Variants in SREBF1 observed in about 807,000 individuals in gnomAD.
SREBF1 encodes sterol regulatory element binding transcription factor 1.
A neutral mutation model predicts 100.1 loss-of-function variants in SREBF1; 45 were observed. The observed-to-expected ratio is 0.45, with a 90% CI of 0.35 to 0.58. The LOEUF (loss-of-function observed/expected upper bound fraction) is 0.58. SREBF1 is among the 20% of genes least tolerant of loss of function. SREBF1 has a pLI of 0.00. For missense variants in SREBF1, 1,324 were observed against 1,539.4 expected (o/e 0.86, Z 2.34); for synonymous variants, 657 against 681.8 (o/e 0.96, Z 0.57).
chr17:17,832,941 A>G (rs2034961261), intron 1 of SREBF1, among the ~76,000 whole-genome samples: 1 of 151,530 alleles, frequency 6.6e-6, no homozygotes, highest in African/African-American at 2.4e-5. Flanking sequence ...AAACAAAAAA[A>G]AAAAAACAAA....
At position 17,819,121 on chromosome 17, in the gene SREBF1, G is replaced by A; in HGVS notation, c.960C>T (p.Ser320=). 2 of 1,614,122 alleles carry A rather than the reference G, an allele frequency of 1.2e-6. No individual in the cohort carries two copies. The highest frequency in any genetic ancestry group is 1.7e-6 in the Non-Finnish European group (2 of 1,180,058). Residue 320 remains serine (S), a synonymous_variant, in exon 5 of 19, where the codon AGC becomes AGT. Coordinates refer to ENST00000261646, the MANE Select transcript of SREBF1 (RefSeq NM_004176.5). ...TGTGGGCTGTGCGCTTCTCTCCACG[G>A]CTCTGGGCAGAGGCCGGGGCCTTGC... ...AGSKAPASAQ[S]RGEKRTAHNA... is the part of the protein sequence containing the mutation.
At chr17:17,822,477 TAC>T (rs576503729) in intron 1 of SREBF1, among the ~76,000 whole-genome samples, 51 of 152,308 alleles carry the variant, frequency 3.3e-4, no homozygotes, top group South Asian at 1.5e-3. Flanking sequence ...TTCCTCCTCA[TAC>T]AGACTGGGAC....
At chr17:17,822,721 T>C (rs955379083) in intron 1 of SREBF1, among the ~76,000 whole-genome samples, 2 of 152,252 alleles carry the variant, frequency 1.3e-5, no homozygotes, top group African/African-American at 4.8e-5. Context: ...CTCCTCTCAC[T>C]GGCCCCAGTT....
chr17:17,830,957 C>A (rs1223847711), intron 1 of SREBF1, among the ~76,000 whole-genome samples: 1 of 152,256 alleles, frequency 6.6e-6, no homozygotes, highest in Non-Finnish European at 1.5e-5. Flanking sequence ...CTGGGCTCCA[C>A]CTGTCAGCAG....
intron 13 of SREBF1, 82 bp from the exon 14 acceptor site, chr17:17,815,026 C>T: frequency 7.4e-7 from 1 of 1,357,116 alleles, no homozygotes; most frequent in Non-Finnish European, 1.0e-6. Context: ...CAGAGTACAG[C>T]CTGGCCCCTG....
intron 1 of SREBF1, among the ~76,000 whole-genome samples, chr17:17,832,491 C>T (rs1335157914): frequency 6.6e-6 from 1 of 152,180 alleles, no homozygotes; most frequent in Non-Finnish European, 1.5e-5. Context: ...CATTTCCACC[C>T]CCAAATCTTC....
In SREBF1 at chr17:17,814,738, G is replaced by C. The variant is rs373272335; in HGVS notation, c.2612C>G (p.Pro871Arg). The C allele has an allele frequency of 2.9e-5, 46 of 1,610,636 alleles. No individual in the cohort carries two copies. The highest frequency in any genetic ancestry group is 3.3e-4 in the Middle Eastern group (2 of 6,080). The change falls in exon 15 of 19, where the codon CCG (proline) becomes CGG (arginine). Residue 871 changes from proline to arginine, a missense_variant. Physicochemically the swap from Pro to Arg is moderately radical, Grantham distance 103. Coordinates refer to ENST00000261646, the MANE Select transcript of SREBF1 (RefSeq NM_004176.5). The stretch of plus-strand genomic sequence containing the variant: ...CAGAGAGGCCCACCACTTGGCCACC[G>C]GGTCTACGCCTGCAGAAGAGGGAGG... ...SSMATTTGVD[P>R]VAKWWASLTA...
At position 17,811,678 on chromosome 17, in the gene SREBF1, TG is replaced by T. The variant is rs1156318492; in HGVS notation, c.*943del. On this transcript the variant is annotated 3_prime_UTR_variant, in exon 19 of 19. Transcript: ENST00000261646. ...GCTGTGAGATGACCAGGGGCCGGGA[TG>T]GGGGAGGTGAGACGTGCCAGACTTC... 8.9e-6 allele frequency: 4 copies of T among 451,916 alleles called. No individual in the cohort carries two copies. Among genetic ancestry groups the T allele is most frequent in the African/African-American group, 6.1e-5 (3 of 49,488 alleles). The allele number at this position is 451,916 out of a possible 1,614,324, so 28.0% of individuals were successfully genotyped here. A position where few individuals can be genotyped will look rare whatever the true frequency, so the allele number is the denominator to read the frequency against.
In SREBF1 at chr17:17,824,047, G is replaced by A. The variant is rs975931887; in HGVS notation, c.92-3526C>T. ...GAAATCACTGGTTCGCTGGCACCCT[G>A]AGCGAGCCTTAACCGCTCCAACCCT... On this transcript the variant is annotated intron_variant, in intron 1 of 18. Coordinates refer to ENST00000261646, the MANE Select transcript of SREBF1 (RefSeq NM_004176.5). The surrounding 1 kb of genome is among the most constrained non-coding windows in gnomAD (Gnocchi z 4.2). Among the ~76,000 whole-genome samples, 1 of 152,174 alleles carries A rather than the reference G, an allele frequency of 6.6e-6. No individual in the cohort carries two copies. Among genetic ancestry groups the A allele is most frequent in the Admixed American group, 6.5e-5 (1 of 15,282 alleles).
At position 17,820,209 on chromosome 17, in the gene SREBF1, G is replaced by C; in HGVS notation, c.404C>G (p.Pro135Arg). The change falls in exon 2 of 19, where the codon CCC becomes CGC. Residue 135 changes from proline to arginine, a missense_variant. By Grantham distance (103) the Pro-to-Arg change is moderately radical. Transcript: ENST00000261646. ...ESVPLSILQTPTPQPLPGALL... is the reference protein window; with the variant it reads ...ESVPLSILQTRTPQPLPGALL... ...GGCCCCTGGCAGGGGCTGTGGGGTG[G>C]GGGTCTGCAGGATGCTCAGTGGCAC... is the stretch of plus-strand genomic sequence containing the variant. 1 of 1,613,506 alleles carries C rather than the reference G, an allele frequency of 6.2e-7. No individual in the cohort carries two copies. Among genetic ancestry groups the C allele is most frequent in the South Asian group, 1.1e-5 (1 of 91,080 alleles).
Position 17,817,131 on chromosome 17 carries a change from G to T in SREBF1, c.1612C>A (p.Pro538Thr). The change falls in exon 9 of 19, where the codon CCT becomes ACT. Residue 538 changes from proline (P) to threonine (T), a missense_variant. Pro to Thr is a conservative substitution (Grantham distance 38). Transcript: ENST00000261646. This position sits in a 1 kb window ranked among gnomAD's most constrained non-coding sequence, Gnocchi z 6.6. ...GGCAGCAGCCACTGGGCCCAGCCAGGGCCATCTATGGACAGAGGGAAAGCT... is the reference window on the plus strand; with the variant it reads ...GGCAGCAGCCACTGGGCCCAGCCAGTGCCATCTATGGACAGAGGGAAAGCT... Reference protein sequence around the residue: ...NVLGTESRDGPGWAQWLLPPV... With the variant: ...NVLGTESRDGTGWAQWLLPPV... The T allele has an allele frequency of 6.2e-7, 1 of 1,613,160 alleles. No individual in the cohort carries two copies. The highest frequency in any genetic ancestry group is 8.5e-7 in the Non-Finnish European group (1 of 1,179,902).
chr17:17,822,903 G>A (rs2034200967), intron 1 of SREBF1, among the ~76,000 whole-genome samples: 1 of 152,186 alleles, frequency 6.6e-6, no homozygotes. Context: ...AGAACAGGAT[G>A]GGGTGGCAGC....
At chr17:17,818,449 G>A in intron 5 of SREBF1, 75 bp from the exon 6 acceptor site, 2 of 1,052,374 alleles carry the variant, frequency 1.9e-6, no homozygotes, top group South Asian at 1.3e-5. Flanking sequence ...GAGAGCCCTA[G>A]CAAGGGGGTG....
At position 17,836,890 on chromosome 17, in the gene SREBF1, C is replaced by T; in HGVS notation, c.-73G>A. 4 of 1,367,716 alleles carry T rather than the reference C, an allele frequency of 2.9e-6. No homozygotes were observed. Among genetic ancestry groups the T allele is most frequent in the East Asian group, 3.0e-5 (1 of 33,868 alleles). The allele number at this position is 1,367,716 out of a possible 1,614,324, so 84.7% of individuals were successfully genotyped here. A position where few individuals can be genotyped will look rare whatever the true frequency, so the allele number is the denominator to read the frequency against. On this transcript the variant is annotated 5_prime_UTR_variant, in exon 1 of 19. Transcript: ENST00000261646. ...CGGCCCTTCCTAGGGAGCGCCGCCG[C>T]GGCCCCGGCTCTCAGTCGCCGCCGC...
intron 1 of SREBF1, among the ~76,000 whole-genome samples, chr17:17,832,686 C>G (rs1278350867): frequency 6.6e-6 from 1 of 152,050 alleles, no homozygotes; most frequent in Admixed American, 6.6e-5. Context: ...TTTGGGAGGC[C>G]GAGGCGGGCA....
chr17:17,813,224 C>G (rs1400838371), intron 18 of SREBF1, 144 bp downstream of exon 18: 19 of 855,778 alleles, frequency 2.2e-5, no homozygotes, highest in Non-Finnish European at 3.6e-5. Context: ...CCAACTGAGC[C>G]TCCCAAAGTG....
intron 16 of SREBF1, 33 bp downstream of exon 16, chr17:17,814,212 C>T (rs2143010554): frequency 6.3e-7 from 1 of 1,581,542 alleles, no homozygotes; most frequent in Non-Finnish European, 8.6e-7. Context: ...CTGAATCCCC[C>T]AGCCCTGCCA....
At position 17,820,285 on chromosome 17, in the gene SREBF1, A is replaced by G; in HGVS notation, c.328T>C (p.Tyr110His). Reference protein sequence around the residue: ...PQPAPTPLKMYPSMPAFSPGP... With the variant: ...PQPAPTPLKMHPSMPAFSPGP... ...GGGGAGAAAGCGGGCATGGACGGGT[A>G]CATCTTCAATGGAGTGGGTGCAGGC... The change falls in exon 2 of 19, where the codon TAC (tyrosine) becomes CAC (histidine). Residue 110 changes from tyrosine to histidine, a missense_variant. Coordinates refer to ENST00000261646, the MANE Select transcript of SREBF1 (RefSeq NM_004176.5). 1 of 1,613,878 alleles carries G rather than the reference A, an allele frequency of 6.2e-7. No individual in the cohort carries two copies. Among genetic ancestry groups the G allele is most frequent in the Non-Finnish European group, 8.5e-7 (1 of 1,179,990 alleles).
intron 1 of SREBF1, among the ~76,000 whole-genome samples, chr17:17,830,381 C>A (rs2034783163): frequency 6.6e-6 from 1 of 152,262 alleles, no homozygotes; most frequent in South Asian, 2.1e-4. Flanking sequence ...CTACTATGTG[C>A]CATGCACTGC....
Sources: gnomAD v4.1 joint callset for allele counts (sites outside exome capture counted in the v4.1 genomes callset) on GRCh38, gnomAD v4.1.1 for gene constraint, Gnocchi (gnomAD v3.1) non-coding constraint, MANE v1.5 for transcripts, NCBI Gene and HGNC (gene_info 2026-07-23, HGNC 2026-07-21) for gene names.